The following CHST11 variants were observed in gnomAD, a reference collection of about 807,000 sequenced individuals.
CHST11 encodes the protein carbohydrate sulfotransferase 11.
In CHST11, 9 loss-of-function variants were observed where a neutral mutation model predicts 30.4. The ratio of observed to expected loss-of-function variants is 0.30; its 90% CI spans 0.18 to 0.52. The LOEUF (loss-of-function observed/expected upper bound fraction) is 0.52. Ranked by LOEUF, CHST11 falls within the 20% of genes least tolerant of loss-of-function variation. The probability of loss-of-function intolerance (pLI) is 0.97; values close to 1 mark genes in which losing one functional copy is unlikely to be tolerated. For synonymous variants in CHST11, 152 were observed against 187.8 expected (o/e 0.81, Z 1.56); for missense variants, 348 against 460.6 (o/e 0.76, Z 2.24).
intron 1 of CHST11, among the ~76,000 whole-genome samples, chr12:104,518,364 G>A (rs1336091558): frequency 6.6e-6 from 1 of 152,138 alleles, no homozygotes; most frequent in African/African-American, 2.4e-5. Context: ...AAGGAGGGAA[G>A]ATTCGGATGA....
At chr12:104,725,941 T>G (rs2040213262) in intron 2 of CHST11, among the ~76,000 whole-genome samples, 1 of 152,138 alleles carries the variant, frequency 6.6e-6, no homozygotes, top group Non-Finnish European at 1.5e-5. Flanking sequence ...GCTTTGCCTC[T>G]GCCATCTTGA....
Position 104,717,425 on chromosome 12 carries a change from AT to A in CHST11, c.205-39517del, listed in dbSNP as rs2040139638. On this transcript the variant is annotated intron_variant, in intron 2 of 2. Coordinates refer to ENST00000303694, the MANE Select transcript of CHST11 (RefSeq NM_018413.6). ...AATTGCATGGCTCCAGGCTTCAGGG[AT>A]TTTTTTAGTCATTTTCCGGGGATGG... 2.0e-5 allele frequency among the ~76,000 whole-genome samples: 3 copies of A among 152,066 alleles called. No homozygotes were observed. In the South Asian group the frequency reaches 6.2e-4, roughly 32 times the overall value.
intron 2 of CHST11, among the ~76,000 whole-genome samples, chr12:104,718,820 G>A (rs147628337): frequency 4.1e-4 from 63 of 152,302 alleles, no homozygotes; most frequent in African/African-American, 1.3e-3. Context: ...TTTCATTCCG[G>A]TGGACGAGAG....
intron 1 of CHST11, among the ~76,000 whole-genome samples, chr12:104,594,541 C>T (rs966196243): frequency 6.6e-6 from 1 of 152,198 alleles, no homozygotes; most frequent in African/African-American, 2.4e-5. Flanking sequence ...TACTCTCCCT[C>T]CTCTTCTCCC....
At chr12:104,480,845 T>C (rs867781220) in intron 1 of CHST11, among the ~76,000 whole-genome samples, 29 of 152,192 alleles carry the variant, frequency 1.9e-4, no homozygotes, top group Admixed American at 1.1e-3. Flanking sequence ...TTTGGACTTG[T>C]GGTCTCCAGA....
chr12:104,689,999 A>G (rs1021542286), intron 2 of CHST11, among the ~76,000 whole-genome samples: 17 of 152,208 alleles, frequency 1.1e-4, no homozygotes, highest in African/African-American at 3.9e-4. Flanking sequence ...GGGATTTTGC[A>G]TGACATTCTC....
intron 2 of CHST11, among the ~76,000 whole-genome samples, chr12:104,717,558 G>T (rs2040140657): frequency 1.3e-5 from 2 of 152,110 alleles, no homozygotes; most frequent in African/African-American, 4.8e-5. Context: ...GGGATCATGA[G>T]GTCAGGAGTT....
chr12:104,540,826 A>G (rs1400947861), intron 1 of CHST11, among the ~76,000 whole-genome samples: 1 of 152,164 alleles, frequency 6.6e-6, no homozygotes, highest in Admixed American at 6.5e-5. Flanking sequence ...AAAACAGCTC[A>G]TGTTTATTTC....
At chr12:104,710,358 G>A (rs888373316) in intron 2 of CHST11, among the ~76,000 whole-genome samples, 4 of 152,194 alleles carry the variant, frequency 2.6e-5, no homozygotes, top group African/African-American at 4.8e-5. Context: ...TCTCCAGACT[G>A]GGCAGACATT....
intron 1 of CHST11, among the ~76,000 whole-genome samples, chr12:104,541,460 C>T (rs970641209): frequency 2.6e-5 from 4 of 151,972 alleles, no homozygotes; most frequent in Non-Finnish European, 2.9e-5. Flanking sequence ...AACAAAATAA[C>T]GATGGTGTTT....
At chr12:104,628,318 G>A (rs2039238255) in intron 2 of CHST11, among the ~76,000 whole-genome samples, 1 of 152,068 alleles carries the variant, frequency 6.6e-6, no homozygotes, top group African/African-American at 2.4e-5. Flanking sequence ...TCACCCCACA[G>A]GGCTCGCTGA....
intron 2 of CHST11, among the ~76,000 whole-genome samples, chr12:104,739,891 G>C (rs947380704): frequency 6.6e-6 from 1 of 152,244 alleles, no homozygotes; most frequent in Non-Finnish European, 1.5e-5. Flanking sequence ...TGGTCTGCCT[G>C]ACTCCAGAGT....
At chr12:104,502,360 C>T (rs756523658) in intron 1 of CHST11, among the ~76,000 whole-genome samples, 3 of 152,080 alleles carry the variant, frequency 2.0e-5, no homozygotes, top group Non-Finnish European at 4.4e-5. Context: ...TCTCTTATTT[C>T]TTCTAAATGC....
At chr12:104,541,122 TCTCTCTCTCACA>T (rs1256862875) in intron 1 of CHST11, among the ~76,000 whole-genome samples, 18 of 63,086 alleles carry the variant, frequency 2.9e-4, no homozygotes, top group African/African-American at 7.5e-4. Context: ...TCCCTCTCTC[TCTCTCTCTCACA>T]CACACACACA....
intron 1 of CHST11, among the ~76,000 whole-genome samples, chr12:104,539,539 T>C (rs2038268179): frequency 6.6e-6 from 1 of 152,156 alleles, no homozygotes; most frequent in African/African-American, 2.4e-5. Context: ...ACAGTGGGAT[T>C]ATAACATGCT....
chr12:104,510,619 G>T (rs1174420419), intron 1 of CHST11, among the ~76,000 whole-genome samples: 2 of 152,148 alleles, frequency 1.3e-5, no homozygotes, highest in African/African-American at 4.8e-5. Flanking sequence ...TTTGCTCCTT[G>T]CTCCTCTTTG....
At chr12:104,485,105 T>G (rs2135963303) in intron 1 of CHST11, among the ~76,000 whole-genome samples, 1 of 152,252 alleles carries the variant, frequency 6.6e-6, no homozygotes, top group South Asian at 2.1e-4. Context: ...GAATATTTTT[T>G]GGAATTGCTG....
At chr12:104,537,964 G>A (rs79854978) in intron 1 of CHST11, among the ~76,000 whole-genome samples, 2,601 of 152,240 alleles carry the variant, frequency 0.017, 70 homozygotes, top group African/African-American at 0.059. Context: ...CCACAGTGCC[G>A]GGATTCCAGG....
chr12:104,577,140 C>T (rs1195039903), intron 1 of CHST11, among the ~76,000 whole-genome samples: 1 of 151,828 alleles, frequency 6.6e-6, no homozygotes, highest in Non-Finnish European at 1.5e-5. Context: ...TCAGCAGCCC[C>T]AGACACTTTG....
Sources: allele counts gnomAD v4.1 joint callset (sites outside exome capture counted in the v4.1 genomes callset), GRCh38; gene constraint gnomAD v4.1.1; transcripts MANE v1.5; gene names NCBI Gene and HGNC (gene_info 2026-07-23, HGNC 2026-07-21).